Variants in TENM3 observed in about 807,000 individuals in gnomAD.
The protein encoded by TENM3 is teneurin transmembrane protein 3.
Under a neutral mutation model 255.1 loss-of-function variants are expected in TENM3, and 63 were observed. The observed-to-expected ratio is 0.25, with a 90% CI of 0.20 to 0.30. TENM3 has a LOEUF of 0.30. TENM3 is among the 10% of genes least tolerant of loss of function. TENM3 has a pLI of 1.00. For synonymous variants in TENM3, 1,306 were observed against 1,322.3 expected (o/e 0.99, Z 0.27); for missense variants, 2,929 against 3,461.1 (o/e 0.85, Z 3.86).
the TENM3 span, among the ~76,000 whole-genome samples, chr4:181,563,485 G>T: frequency 6.6e-6 from 1 of 152,124 alleles, no homozygotes; most frequent in Non-Finnish European, 1.5e-5. Context: ...CATATTCTGA[G>T]ATATTGCTAT....
At chr4:181,979,598 G>A in the TENM3 span, among the ~76,000 whole-genome samples, 6 of 152,160 alleles carry the variant, frequency 3.9e-5, no homozygotes, top group African/African-American at 1.2e-4. Context: ...TTGGCTTGGT[G>A]TGGGTTCAGG....
intron 3 of TENM3, among the ~76,000 whole-genome samples, chr4:182,413,344 C>A (rs72699971): frequency 6.6e-6 from 1 of 152,054 alleles, no homozygotes; most frequent in African/African-American, 2.4e-5. Context: ...AGGCTGGGCA[C>A]GCTGGCTCAT....
At chr4:182,630,737 T>A (rs2152472568) in intron 5 of TENM3, among the ~76,000 whole-genome samples, 1 of 149,086 alleles carries the variant, frequency 6.7e-6, no homozygotes, top group East Asian at 2.1e-4. Context: ...TTGTTGGGGA[T>A]TTTATTTATT....
chr4:182,419,231 A>G (rs1430646717), intron 3 of TENM3, among the ~76,000 whole-genome samples: 1 of 152,180 alleles, frequency 6.6e-6, no homozygotes, highest in Non-Finnish European at 1.5e-5. Flanking sequence ...ACACTTCTCA[A>G]AAGAAGACAT....
the TENM3 span, among the ~76,000 whole-genome samples, chr4:182,123,035 C>T: frequency 2.6e-5 from 4 of 152,236 alleles, no homozygotes; most frequent in Non-Finnish European, 5.9e-5. Flanking sequence ...CCTCTGCTAG[C>T]TTCAGATTTT....
intron 13 of TENM3, among the ~76,000 whole-genome samples, chr4:182,723,586 C>T (rs562486447): frequency 6.6e-6 from 1 of 152,244 alleles, no homozygotes; most frequent in Admixed American, 6.5e-5. Flanking sequence ...TGACAAGCAG[C>T]ATAAAGCCAG....
At chr4:182,780,083 G>T (rs1211266276) in intron 24 of TENM3, among the ~76,000 whole-genome samples, 16 of 151,442 alleles carry the variant, frequency 1.1e-4, no homozygotes, top group East Asian at 1.9e-4. Context: ...GTCAATTTTG[G>T]CTTTTGTTGC....
At chr4:182,725,933 C>T (rs192815142) in intron 13 of TENM3, among the ~76,000 whole-genome samples, 154 of 152,208 alleles carry the variant, frequency 1.0e-3, no homozygotes, top group African/African-American at 3.5e-3. Flanking sequence ...CTACCGCGCC[C>T]GGCTTAATTT....
At chr4:181,678,724 C>G in the TENM3 span, among the ~76,000 whole-genome samples, 1 of 151,228 alleles carries the variant, frequency 6.6e-6, no homozygotes, top group African/African-American at 2.4e-5. Context: ...TATATATATA[C>G]TTTTGCTTAA....
intron 22 of TENM3, among the ~76,000 whole-genome samples, 172 bp from the exon 23 acceptor site, chr4:182,773,300 C>T (rs190988875): frequency 6.6e-6 from 1 of 152,142 alleles, no homozygotes; most frequent in African/African-American, 2.4e-5. Context: ...CTATGTTAAA[C>T]GGGTTTTTGA....
the TENM3 span, among the ~76,000 whole-genome samples, chr4:181,613,427 T>C: frequency 3.9e-5 from 6 of 152,164 alleles, no homozygotes; most frequent in Non-Finnish European, 7.3e-5. Flanking sequence ...TCCAGGCCCA[T>C]CAGTCTCCCC....
chr4:182,380,483 G>A (rs1251251386), intron 3 of TENM3, among the ~76,000 whole-genome samples: 2 of 152,186 alleles, frequency 1.3e-5, no homozygotes, highest in Non-Finnish European at 2.9e-5. Context: ...CATTGCGTAA[G>A]CATGCAATAA....
the TENM3 span, among the ~76,000 whole-genome samples, chr4:182,086,500 G>A: frequency 6.6e-6 from 1 of 152,196 alleles, no homozygotes. Flanking sequence ...AATGGGAGAG[G>A]AAGCTACGAT....
intron 1 of TENM3, among the ~76,000 whole-genome samples, chr4:182,180,143 A>T (rs1046450039): frequency 3.4e-5 from 5 of 149,020 alleles, no homozygotes; most frequent in African/African-American, 9.8e-5. Flanking sequence ...TTTTTTTTTT[A>T]AATCTGAATT....
chr4:182,408,529 A>G (rs1449329297), intron 3 of TENM3, among the ~76,000 whole-genome samples: 1 of 152,230 alleles, frequency 6.6e-6, no homozygotes, highest in East Asian at 1.9e-4. Flanking sequence ...AGAAAAGGCC[A>G]GCATTCTTGA....
the TENM3 span, among the ~76,000 whole-genome samples, chr4:181,724,967 A>G: frequency 2.1e-4 from 32 of 152,322 alleles, 2 homozygotes; most frequent in South Asian, 5.6e-3. Context: ...CATTCAATAT[A>G]TACCTATTTC....
At chr4:182,544,270 T>G (rs1741191235) in intron 3 of TENM3, among the ~76,000 whole-genome samples, 1 of 150,542 alleles carries the variant, frequency 6.6e-6, no homozygotes, top group Non-Finnish European at 1.5e-5. Context: ...AAGTTCCAGC[T>G]CAACTTTCCC....
At chr4:181,719,067 G>A in the TENM3 span, among the ~76,000 whole-genome samples, 97 of 151,292 alleles carry the variant, frequency 6.4e-4, no homozygotes, top group African/African-American at 2.2e-3. Context: ...TTAGCCGGGC[G>A]CGGTGGCGGG....
intron 5 of TENM3, among the ~76,000 whole-genome samples, chr4:182,634,611 A>G (rs1242931170): frequency 1.3e-5 from 2 of 151,824 alleles, no homozygotes; most frequent in Non-Finnish European, 2.9e-5. Context: ...TGTTAGGTTC[A>G]ATGATTACAG....
Sources: gnomAD v4.1 joint callset for allele counts (sites outside exome capture counted in the v4.1 genomes callset) on GRCh38, gnomAD v4.1.1 for gene constraint, MANE v1.5 for transcripts, NCBI Gene and HGNC (gene_info 2026-07-23, HGNC 2026-07-21) for gene names.